CEMIP2: variants seen among roughly 807,000 people sequenced by gnomAD.
The protein encoded by CEMIP2 is cell migration inducing hyaluronidase 2.
A neutral mutation model predicts 146.9 loss-of-function variants in CEMIP2; 79 were observed. The ratio of observed to expected loss-of-function variants is 0.54; its 90% CI spans 0.45 to 0.65. CEMIP2 has a LOEUF of 0.65. Ranked by LOEUF, CEMIP2 falls within the 30% of genes least tolerant of loss-of-function variation. CEMIP2 has a pLI of 0.00. For synonymous variants in CEMIP2, 601 were observed against 606.3 expected (o/e 0.99, Z 0.13); for missense variants, 1,596 against 1,696.2 (o/e 0.94, Z 1.04).
intron 1 of CEMIP2, among the ~76,000 whole-genome samples, chr9:71,755,346 T>TACACACAAACACACAC (rs1363675174): frequency 1.5e-5 from 2 of 134,872 alleles, no homozygotes; most frequent in African/African-American, 5.7e-5. Context: ...ACCCTGTCTC[T>TACACACAAACACACAC]ACACACACAC....
intron 1 of CEMIP2, among the ~76,000 whole-genome samples, chr9:71,755,289 T>C (rs1017798971): frequency 2.0e-5 from 3 of 149,078 alleles, no homozygotes; most frequent in Middle Eastern, 3.2e-3. Context: ...TATGGGAGGA[T>C]TGCTTGAGGC....
At chr9:71,703,639 C>T (rs1353258639) in intron 18 of CEMIP2, among the ~76,000 whole-genome samples, 1 of 152,168 alleles carries the variant, frequency 6.6e-6, no homozygotes, top group East Asian at 1.9e-4. Context: ...TTAATAGCCA[C>T]ATGTATCTAG....
intron 17 of CEMIP2, among the ~76,000 whole-genome samples, chr9:71,705,947 G>A (rs1266447816): frequency 2.0e-5 from 3 of 151,678 alleles, no homozygotes; most frequent in Non-Finnish European, 4.4e-5. Context: ...GCACATATTC[G>A]GCCAGGCACA....
intron 23 of CEMIP2, 45 bp from the exon 24 acceptor site, chr9:71,685,438 A>G: frequency 7.0e-7 from 1 of 1,420,320 alleles, no homozygotes; most frequent in Non-Finnish European, 9.2e-7. Context: ...ATCAATTTTT[A>G]TAGCTACATT....
At chr9:71,698,590 C>A (rs1822467659) in intron 19 of CEMIP2, among the ~76,000 whole-genome samples, 1 of 104,162 alleles carries the variant, frequency 9.6e-6, no homozygotes, top group Non-Finnish European at 2.0e-5. Flanking sequence ...TTTTGTTGTT[C>A]TCATTCATAA....
chr9:71,694,275 C>T lies in CEMIP2; in HGVS notation c.3696+234G>A, dbSNP rs570694871. The stretch of plus-strand genomic sequence containing the variant: ...GTAGCTGGGACTACAGGCACCCACC[C>T]GCCTCTACGCCCAGCTAATTTTTTG... On this transcript the variant is annotated intron_variant, in intron 21 of 23. Transcript: ENST00000377044. Among the ~76,000 whole-genome samples, 9 of 151,812 alleles carry T rather than the reference C, an allele frequency of 5.9e-5. No individual in the cohort carries two copies. The East Asian group carries it at 1.4e-3, about 23-fold the overall frequency.
chr9:71,769,225 G>A (rs2132060994), upstream of CEMIP2, among the ~76,000 whole-genome samples: 1 of 152,328 alleles, frequency 6.6e-6, no homozygotes, highest in East Asian at 1.9e-4. Context: ...CTCCCTGGCT[G>A]AGCCTGACAC....
chr9:71,726,541 T>C (rs1823390645), intron 10 of CEMIP2, among the ~76,000 whole-genome samples: 1 of 152,192 alleles, frequency 6.6e-6, no homozygotes, highest in Non-Finnish European at 1.5e-5. Context: ...AGGTATACAG[T>C]AAGACTATTC....
In CEMIP2 at chr9:71,692,148, A is replaced by G. The variant is rs950891571; in HGVS notation, c.3697-1902T>C. On this transcript the variant is annotated intron_variant, in intron 21 of 23. Coordinates refer to ENST00000377044, the MANE Select transcript of CEMIP2 (RefSeq NM_013390.3). ...AAAAAAAAACAACCAAAAACCCCTA[A>G]TGCAATCCCAGATCTTAGGGAAGAG... is the stretch of plus-strand genomic sequence containing the variant. Among the ~76,000 whole-genome samples the G allele has an allele frequency of 1.1e-4, 16 of 151,632 alleles. 1 individual carries two copies. The highest frequency in any genetic ancestry group is 3.9e-4 in the African/African-American group (16 of 41,300).
chr9:71,763,025 A>AT (rs983529445), intron 1 of CEMIP2, among the ~76,000 whole-genome samples: 2 of 151,202 alleles, frequency 1.3e-5, no homozygotes, highest in Admixed American at 6.6e-5. Flanking sequence ...AAAAAAATAT[A>AT]TTTTTTTAAT....
chr9:71,723,023 T>G (rs1367831332), intron 11 of CEMIP2, among the ~76,000 whole-genome samples: 1 of 148,436 alleles, frequency 6.7e-6, no homozygotes. Flanking sequence ...AAAGAATGGA[T>G]TGGTGGTGCA....
intron 4 of CEMIP2, among the ~76,000 whole-genome samples, chr9:71,741,631 G>GTTTTTTTTTTTTT (rs11334265): frequency 8.2e-5 from 6 of 73,124 alleles, no homozygotes; most frequent in Non-Finnish European, 1.2e-4. Flanking sequence ...TTCTTTTCTG[G>GTTTTTTTTTTTTT]TTTTTTTTTT....
chr9:71,739,915 C>T, intron 5 of CEMIP2, 148 bp downstream of exon 5: 1 of 721,244 alleles, frequency 1.4e-6, no homozygotes, highest in Non-Finnish European at 2.2e-6. Context: ...AAAGATTAAG[C>T]ACAGTAGGAA....
At chr9:71,708,072 G>A (rs776319156) in intron 17 of CEMIP2, among the ~76,000 whole-genome samples, 104 of 152,302 alleles carry the variant, frequency 6.8e-4, no homozygotes, top group Non-Finnish European at 5.9e-4. Flanking sequence ...CTGTAGTCCA[G>A]CTGCTCAGGA....
intron 21 of CEMIP2, among the ~76,000 whole-genome samples, chr9:71,691,256 A>G (rs926736170): frequency 1.3e-5 from 2 of 151,948 alleles, no homozygotes; most frequent in African/African-American, 4.8e-5. Context: ...GTGAAACTCC[A>G]TCTCTACTTA....
At chr9:71,733,705 G>A (rs1178631263) in intron 6 of CEMIP2, among the ~76,000 whole-genome samples, 2 of 152,146 alleles carry the variant, frequency 1.3e-5, no homozygotes, top group East Asian at 1.9e-4. Context: ...AAAAGCAATA[G>A]AATGAGTGAA....
intron 1 of CEMIP2, among the ~76,000 whole-genome samples, chr9:71,767,640 C>A (rs12350108): frequency 6.6e-6 from 1 of 152,152 alleles, no homozygotes; most frequent in Non-Finnish European, 1.5e-5. Context: ...GCCACTAGTG[C>A]TATTAACAGC....
In CEMIP2 at chr9:71,746,230, G is replaced by A. The variant is rs766356058; in HGVS notation, c.443C>T (p.Thr148Ile). The change falls in exon 3 of 24, where the codon ACC becomes ATC. Residue 148 changes from threonine to isoleucine, a missense_variant. Physicochemically the swap from Thr to Ile is moderately conservative, Grantham distance 89. Coordinates refer to ENST00000377044, the MANE Select transcript of CEMIP2 (RefSeq NM_013390.3). ...ATCCTGAATGACTATAGAATGCACG[G>A]TGGCGTCTGAGGTCAGACGGAGCAT... is the stretch of plus-strand genomic sequence containing the variant. ...GDMLRLTSDA[T>I]VHSIVIQDGG... The A allele has an allele frequency of 2.5e-6, 4 of 1,613,850 alleles. No homozygotes were observed. The highest frequency in any genetic ancestry group is 2.2e-5 in the East Asian group (1 of 44,860).
intron 11 of CEMIP2, among the ~76,000 whole-genome samples, chr9:71,723,866 G>T (rs1823312041): frequency 6.6e-6 from 1 of 152,118 alleles, no homozygotes; most frequent in Admixed American, 6.5e-5. Flanking sequence ...AGTACTCCAA[G>T]AATTCAATCT....
Sources: gnomAD v4.1 joint callset for allele counts (sites outside exome capture counted in the v4.1 genomes callset) on GRCh38, gnomAD v4.1.1 for gene constraint, MANE v1.5 for transcripts, NCBI Gene and HGNC (gene_info 2026-07-23, HGNC 2026-07-21) for gene names.